The following TTC34 variants were observed in gnomAD, a reference collection of about 807,000 sequenced individuals.
TTC34 encodes tetratricopeptide repeat protein 34.
TTC34 carries 44 observed loss-of-function variants against 40.7 expected under a neutral mutation model. That is an observed-to-expected ratio of 1.08 (90% CI 0.85 to 1.39). TTC34 has a LOEUF of 1.39. Among genes scored for constraint, TTC34 ranks in the 40% most tolerant of loss-of-function variants. The probability of loss-of-function intolerance (pLI) is 0.00; values close to 1 mark genes in which losing one functional copy is unlikely to be tolerated. For missense variants in TTC34, 884 were observed against 838.0 expected (o/e 1.05, Z -0.68); for synonymous variants, 422 against 398.6 (o/e 1.06, Z -0.70).
chr1:2,652,480 C>T (rs1437515411), intron 6 of TTC34, among the ~76,000 whole-genome samples: 1 of 151,898 alleles, frequency 6.6e-6, no homozygotes, highest in Admixed American at 6.6e-5. Flanking sequence ...GAGCAGAACC[C>T]ACACCCCCAG....
chr1:2,655,204 G>A (rs1639300457), intron 6 of TTC34, among the ~76,000 whole-genome samples: 2 of 141,338 alleles, frequency 1.4e-5, no homozygotes, highest in Admixed American at 7.1e-5. Flanking sequence ...TCCTGGAACA[G>A]CACCCACACC....
rs1255906968 is a variant in TTC34 at position 2,748,843 on chromosome 1, C to T, written c.2226+34766G>A. On this transcript the variant is annotated intron_variant, in intron 6 of 8. Transcript: ENST00000401095. The stretch of plus-strand genomic sequence containing the variant: ...ACAGCCTCGGTCGGCACCCACAAAC[C>T]CAGGTGAGCATCTGATGCTTTGGAG... 1.4e-5 allele frequency among the ~76,000 whole-genome samples: 2 copies of T among 138,728 alleles called. 1 individual carries two copies. The highest frequency in any genetic ancestry group is 5.8e-5 in the African/African-American group (2 of 34,636). 91.0% of individuals were successfully genotyped at this position (138,728 alleles called of 152,430 possible).
chr1:2,767,646 C>G (rs1468021807), intron 6 of TTC34, among the ~76,000 whole-genome samples: 2 of 100,640 alleles, frequency 2.0e-5, no homozygotes, highest in Non-Finnish European at 3.9e-5. Context: ...ATCCTCACAT[C>G]CAGGTGAGCA....
At chr1:2,792,289 C>A (rs1229016836) in intron 2 of TTC34, among the ~76,000 whole-genome samples, 1 of 151,982 alleles carries the variant, frequency 6.6e-6, no homozygotes, top group Non-Finnish European at 1.5e-5. Context: ...TATAAGGAAC[C>A]ATGCCTAGCC....
At position 2,800,879 on chromosome 1, in the gene TTC34, G is replaced by A. The variant is rs1007955901; in HGVS notation, c.-41-11C>T. On this transcript the variant is annotated splice_polypyrimidine_tract_variant and intron_variant, in intron 1 of 8. Transcript: ENST00000401095. ...TGGTCCTCAGAGTACCTGGGGGTGG[G>A]GGAGCATGGTGAGTCCACAGAGGGC... 5 of 398,460 alleles carry A rather than the reference G, an allele frequency of 1.3e-5. No homozygotes were observed. Among genetic ancestry groups the A allele is most frequent in the African/African-American group, 2.1e-5 (1 of 48,620 alleles). 24.7% of individuals were successfully genotyped at this position (398,460 alleles called of 1,614,324 possible).
chr1:2,761,331 T>G (rs1343354923), intron 6 of TTC34, among the ~76,000 whole-genome samples: 2 of 71,750 alleles, frequency 2.8e-5, no homozygotes, highest in Non-Finnish European at 4.9e-5. Flanking sequence ...CAACCCCAGG[T>G]GAGTATCTGA....
intron 6 of TTC34, chr1:2,775,337 A>G (rs1445328701): frequency 1.1e-4 from 17 of 150,782 alleles, no homozygotes; most frequent in Non-Finnish European, 1.9e-4. Flanking sequence ...ACTACCTGGA[A>G]CAGAACCCCG....
At chr1:2,685,873 C>T (rs558186157) in intron 6 of TTC34, among the ~76,000 whole-genome samples, 1,699 of 116,238 alleles carry the variant, frequency 0.015, 2 homozygotes, top group Admixed American at 0.024. Context: ...GGAACAGCAC[C>T]CTGCACCCCC....
At position 2,751,512 on chromosome 1, in the gene TTC34, G is replaced by C. The variant is rs1397244373; in HGVS notation, c.2226+32097C>G. ...GCCCAGGTGAGCCTCTGACAGCCTT[G>C]AACAGCACCCTGCACCCCCAGGTGA... is the stretch of plus-strand genomic sequence containing the variant. On this transcript the variant is annotated intron_variant, in intron 6 of 8. Transcript: ENST00000401095. 3.9e-5 allele frequency among the ~76,000 whole-genome samples: 3 copies of C among 76,996 alleles called. 1 individual carries two copies. Among genetic ancestry groups the C allele is most frequent in the African/African-American group, 1.8e-4 (3 of 16,736 alleles). The allele number at this position is 76,996 out of a possible 152,430, so 50.5% of individuals were successfully genotyped here.
intron 8 of TTC34, 142 bp from the exon 9 acceptor site, chr1:2,642,037 G>A: frequency 5.2e-6 from 5 of 959,150 alleles, no homozygotes; most frequent in Non-Finnish European, 7.3e-6. Context: ...CACAGGAGCT[G>A]CCCGCTGCTT....
intron 4 of TTC34, among the ~76,000 whole-genome samples, chr1:2,786,262 C>T (rs548238431): frequency 6.6e-6 from 1 of 152,336 alleles, no homozygotes; most frequent in African/African-American, 2.4e-5. Context: ...CCCGATCCTC[C>T]CCTACTGCCT....
chr1:2,643,463 G>T (rs970219915), intron 8 of TTC34, among the ~76,000 whole-genome samples: 1 of 152,132 alleles, frequency 6.6e-6, no homozygotes, highest in Non-Finnish European at 1.5e-5. Context: ...TCTGGGCTCC[G>T]GGACCATGGC....
rs542766822 is a variant in TTC34 at position 2,657,427 on chromosome 1, G to C, written c.2227-11864C>G. The stretch of plus-strand genomic sequence containing the variant: ...CCCGGAGCAGTACCAGTACCCCCAG[G>C]CGAGCATCTGAACTCATGGAGCAGC... On this transcript the variant is annotated intron_variant, in intron 6 of 8. Coordinates refer to ENST00000401095, the Ensembl canonical transcript of TTC34. Among the ~76,000 whole-genome samples, 7 of 89,050 alleles carry C rather than the reference G, an allele frequency of 7.9e-5. No individual in the cohort carries two copies. In the South Asian group the frequency reaches 2.3e-3, roughly 30 times the overall value. The allele number at this position is 89,050 out of a possible 152,430, so 58.4% of individuals were successfully genotyped here.
chr1:2,799,081 C>T (rs764389669), intron 2 of TTC34, among the ~76,000 whole-genome samples: 82 of 150,644 alleles, frequency 5.4e-4, no homozygotes, highest in Non-Finnish European at 7.7e-4. Context: ...CTCCCAGCCC[C>T]CTAGCCTCCC....
At chr1:2,683,402 G>GCATCCGATAGCCTGGAACAGCACC (rs1640167623) in intron 6 of TTC34, among the ~76,000 whole-genome samples, 1 of 140,130 alleles carries the variant, frequency 7.1e-6, no homozygotes, top group African/African-American at 2.8e-5. Flanking sequence ...GCCCAGGTGA[G>GCATCCGATAGCCTGGAACAGCACC]CATCCGATAG....
chr1:2,790,340 C>G, exon 3 of TTC34: 1 of 398,482 alleles, frequency 2.5e-6, no homozygotes. Context: ...GGCGGCTCGG[C>G]GCTCACCTGC....
intron 3 of TTC34, 131 bp from the exon 4 acceptor site, chr1:2,787,837 G>T (rs1344266162): frequency 5.7e-6 from 4 of 699,080 alleles, no homozygotes; most frequent in Non-Finnish European, 9.1e-6. Context: ...GGACCCTCAC[G>T]CCACACCATC....
chr1:2,751,410 C>T (rs1641314738), intron 6 of TTC34, among the ~76,000 whole-genome samples: 1 of 139,926 alleles, frequency 7.1e-6, no homozygotes, highest in Non-Finnish European at 1.6e-5. Flanking sequence ...CCCACACACA[C>T]AGGTGGGCAT....
At chr1:2,800,802 G>A (rs1643764650) in exon 2 of TTC34, 1 of 398,696 alleles carries the variant, frequency 2.5e-6, no homozygotes, top group Non-Finnish European at 4.4e-6. Flanking sequence ...GCAGAGGCAG[G>A]CCACGAGCTC....
Sources: allele counts gnomAD v4.1 joint callset (sites outside exome capture counted in the v4.1 genomes callset), GRCh38; gene constraint gnomAD v4.1.1; transcripts MANE v1.5; gene names NCBI Gene and HGNC (gene_info 2026-07-23, HGNC 2026-07-21).